The following ANKRD44 variants were observed in gnomAD, a reference collection of about 807,000 sequenced individuals.
The protein encoded by ANKRD44 is ankyrin repeat domain 44.
ANKRD44 carries 35 observed loss-of-function variants against 116.0 expected under a neutral mutation model. That is an observed-to-expected ratio of 0.30 (90% CI 0.23 to 0.40). ANKRD44 has a LOEUF of 0.40. ANKRD44 is among the 10% of genes least tolerant of loss of function. The probability of loss-of-function intolerance (pLI) is 1.00; values close to 1 mark genes in which losing one functional copy is unlikely to be tolerated. For synonymous variants in ANKRD44, 435 were observed against 461.8 expected, an observed-to-expected ratio of 0.94 and a Z score of 0.74; for missense variants, 1,014 against 1,242.6, an observed-to-expected ratio of 0.82 and a Z score of 2.77.
rs1553512529 is a variant in ANKRD44, at chr2:197,118,615, A to AAGAAAGAGAG, written c.906+2716_906+2717insCTCTCTTTCT. Among the ~76,000 whole-genome samples the AAGAAAGAGAG allele has an allele frequency of 1.0e-3, 78 of 76,430 alleles. 1 individual carries two copies. Among genetic ancestry groups the AAGAAAGAGAG allele is most frequent in the African/African-American group, 2.5e-3 (35 of 13,888 alleles). 50.1% of individuals were successfully genotyped at this position (76,430 alleles called of 152,430 possible). On this transcript the variant is annotated intron_variant, in intron 8 of 27. Transcript: ENST00000282272. ...CAAAAACAAAAGAAAGAGAGAAAGA[A>AAGAAAGAGAG]AGAGAGAGAGAGAGAGAGAGAGAGA...
intron 20 of ANKRD44, 65 bp downstream of exon 20, chr2:197,007,741 T>C (rs761261187): frequency 1.4e-5 from 15 of 1,086,416 alleles, no homozygotes; most frequent in Non-Finnish European, 2.1e-5. Flanking sequence ...TGTAATTGTT[T>C]GCTAAAAAAG....
intron 17 of ANKRD44, among the ~76,000 whole-genome samples, chr2:197,021,535 A>G (rs1324859316): frequency 1.3e-5 from 2 of 152,198 alleles, no homozygotes; most frequent in African/African-American, 4.8e-5. Context: ...TTTGATTTGC[A>G]TTTCTCTGAT....
intron 21 of ANKRD44, among the ~76,000 whole-genome samples, chr2:196,978,221 G>A (rs1478089925): frequency 1.3e-5 from 2 of 152,080 alleles, no homozygotes; most frequent in Non-Finnish European, 1.5e-5. Flanking sequence ...TTCTTGCTCT[G>A]AGTTCACAGG....
At chr2:197,143,565 G>A (rs939206743) in intron 3 of ANKRD44, among the ~76,000 whole-genome samples, 1 of 151,936 alleles carries the variant, frequency 6.6e-6, no homozygotes, top group East Asian at 1.9e-4. Context: ...ATTCCATGGT[G>A]TATATGTGCC....
At chr2:197,086,812 GAGC>G in intron 12 of ANKRD44, 64 bp from the exon 13 acceptor site, 2 of 1,511,080 alleles carry the variant, frequency 1.3e-6, no homozygotes, top group South Asian at 2.3e-5. Flanking sequence ...TCTTCAGCAA[GAGC>G]TATTTTCTGC....
chr2:197,300,778 T>G (rs1447246372), intron 1 of ANKRD44, among the ~76,000 whole-genome samples: 4 of 150,396 alleles, frequency 2.7e-5, no homozygotes, highest in Non-Finnish European at 5.9e-5. Context: ...TTTTTTTTTT[T>G]TTGAGACAGA....
At chr2:197,069,613 T>C (rs1387261209) in intron 16 of ANKRD44, among the ~76,000 whole-genome samples, 1 of 152,188 alleles carries the variant, frequency 6.6e-6, no homozygotes, top group African/African-American at 2.4e-5. Context: ...ATTAACAAGA[T>C]TGTCAGGTAT....
intron 2 of ANKRD44, among the ~76,000 whole-genome samples, chr2:197,164,816 G>A (rs1188759423): frequency 6.6e-6 from 1 of 151,938 alleles, no homozygotes; most frequent in East Asian, 1.9e-4. Flanking sequence ...TGGGTTTTGA[G>A]GGTTTTTTTT....
intron 15 of ANKRD44, among the ~76,000 whole-genome samples, chr2:197,079,706 T>C (rs933127332): frequency 2.0e-5 from 3 of 152,246 alleles, no homozygotes; most frequent in Admixed American, 6.5e-5. Flanking sequence ...CCAAGCTGAT[T>C]CAATTTCATA....
At chr2:197,291,052 A>C (rs10199410) in intron 1 of ANKRD44, among the ~76,000 whole-genome samples, 1 of 151,832 alleles carries the variant, frequency 6.6e-6, no homozygotes, top group African/African-American at 2.4e-5. Context: ...GTACAAAAAA[A>C]ACAAAGATTT....
intron 1 of ANKRD44, among the ~76,000 whole-genome samples, chr2:197,220,193 C>G (rs1173236644): frequency 1.3e-5 from 2 of 152,166 alleles, no homozygotes; most frequent in African/African-American, 2.4e-5. Context: ...AATTCCCTCA[C>G]AGCTTTTATT....
chr2:197,167,334 A>G (rs935009032), intron 2 of ANKRD44, among the ~76,000 whole-genome samples: 4 of 152,230 alleles, frequency 2.6e-5, no homozygotes, highest in Non-Finnish European at 5.9e-5. Flanking sequence ...TAAAATATAC[A>G]TTTTAATTTT....
intron 16 of ANKRD44, among the ~76,000 whole-genome samples, chr2:197,075,377 C>T (rs1356842946): frequency 6.6e-6 from 1 of 152,162 alleles, no homozygotes; most frequent in Admixed American, 6.5e-5. Flanking sequence ...TGGAACTTTC[C>T]TTTGCCAATA....
At chr2:197,016,092 C>G in intron 17 of ANKRD44, 2 of 423,946 alleles carry the variant, frequency 4.7e-6, no homozygotes, top group East Asian at 1.2e-4. Context: ...TACTTTGAGA[C>G]AATTGTCCCA....
At chr2:197,102,292 T>A (rs2078311943) in intron 9 of ANKRD44, among the ~76,000 whole-genome samples, 1 of 152,242 alleles carries the variant, frequency 6.6e-6, no homozygotes, top group Non-Finnish European at 1.5e-5. Flanking sequence ...ATATGTATGT[T>A]GCTTCATATT....
chr2:197,093,099 AACACACAC>A (rs147676501), intron 10 of ANKRD44, among the ~76,000 whole-genome samples: 2 of 144,462 alleles, frequency 1.4e-5, no homozygotes, highest in African/African-American at 2.5e-5. Flanking sequence ...AATACATACA[AACACACAC>A]ACACACACAC....
intron 1 of ANKRD44, among the ~76,000 whole-genome samples, chr2:197,193,685 C>T (rs1268841731): frequency 6.6e-6 from 1 of 152,042 alleles, no homozygotes; most frequent in East Asian, 1.9e-4. Context: ...CGAGACCATC[C>T]TGGCTAACAC....
chr2:197,016,110 T>C, intron 17 of ANKRD44: 1 of 357,360 alleles, frequency 2.8e-6, no homozygotes, highest in Non-Finnish European at 5.5e-6. Flanking sequence ...CCAAATGCAT[T>C]AGAGGAATGG....
intron 10 of ANKRD44, among the ~76,000 whole-genome samples, chr2:197,098,972 A>G (rs1453980831): frequency 6.6e-6 from 1 of 152,110 alleles, no homozygotes; most frequent in African/African-American, 2.4e-5. Context: ...CTACTCTGTC[A>G]GGCCAAGCTC....
Sources: gnomAD v4.1 joint callset for allele counts (sites outside exome capture counted in the v4.1 genomes callset) on GRCh38, gnomAD v4.1.1 for gene constraint, MANE v1.5 for transcripts, NCBI Gene and HGNC (gene_info 2026-07-23, HGNC 2026-07-21) for gene names.